Variants in SNX7 observed in about 807,000 individuals in gnomAD.
SNX7 encodes the protein sorting nexin-7.
Under a neutral mutation model 48.4 loss-of-function variants are expected in SNX7, and 35 were observed. That is an observed-to-expected ratio of 0.72 (90% CI 0.55 to 0.96). SNX7 has a LOEUF of 0.96. SNX7 is among the 40% of genes least tolerant of loss of function. The pLI is 0.00. For missense variants in SNX7, 553 were observed against 548.9 expected (o/e 1.01, Z -0.07); for synonymous variants, 190 against 190.2 (o/e 1.00, Z 0.01).
At chr1:98,731,186 C>T (rs570207910) in intron 7 of SNX7, among the ~76,000 whole-genome samples, 3 of 149,632 alleles carry the variant, frequency 2.0e-5, no homozygotes, top group Non-Finnish European at 3.0e-5. Context: ...AAGAAAACTC[C>T]AAAGTATAGG....
chr1:98,745,559 A>G (rs1654270545), intron 8 of SNX7, among the ~76,000 whole-genome samples: 1 of 152,076 alleles, frequency 6.6e-6, no homozygotes, highest in Non-Finnish European at 1.5e-5. Flanking sequence ...ACTACATTAT[A>G]CACCCTAAAA....
chr1:98,679,844 T>C (rs1235529946), intron 1 of SNX7, among the ~76,000 whole-genome samples: 2 of 152,196 alleles, frequency 1.3e-5, no homozygotes, highest in Non-Finnish European at 2.9e-5. Context: ...TCTGCTTTCA[T>C]GGGCTGGCAT....
At chr1:98,663,025 A>C (rs946592190) in intron 1 of SNX7, among the ~76,000 whole-genome samples, 1 of 152,354 alleles carries the variant, frequency 6.6e-6, no homozygotes, top group East Asian at 1.9e-4. Flanking sequence ...GTTAAGTAGT[A>C]AAACAATGGA....
chr1:98,663,205 A>G (rs1033321059), intron 1 of SNX7, among the ~76,000 whole-genome samples: 2 of 135,398 alleles, frequency 1.5e-5, no homozygotes, highest in African/African-American at 5.6e-5. Flanking sequence ...TTGGGATGGG[A>G]TGTTGGAAAT....
At chr1:98,673,600 C>T (rs1331226513) in intron 1 of SNX7, among the ~76,000 whole-genome samples, 1 of 152,188 alleles carries the variant, frequency 6.6e-6, no homozygotes, top group African/African-American at 2.4e-5. Flanking sequence ...GTATCCCCAG[C>T]CCAGTGCCTG....
intron 7 of SNX7, among the ~76,000 whole-genome samples, chr1:98,720,167 A>G (rs1029398484): frequency 6.6e-6 from 1 of 151,710 alleles, no homozygotes; most frequent in Non-Finnish European, 1.5e-5. Flanking sequence ...GGACTTGTCT[A>G]CCCCCACTCT....
upstream of SNX7, chr1:98,661,682 G>A (rs1649220788): frequency 8.4e-7 from 1 of 1,193,714 alleles, no homozygotes; most frequent in Non-Finnish European, 1.0e-6. Flanking sequence ...ACGCTCGGGG[G>A]AGCCGGGCTG....
At chr1:98,692,126 C>T (rs1651175431) in intron 4 of SNX7, among the ~76,000 whole-genome samples, 1 of 152,036 alleles carries the variant, frequency 6.6e-6, no homozygotes, top group South Asian at 2.1e-4. Flanking sequence ...CTTTTAATTT[C>T]TCAGAAACTT....
In SNX7 at chr1:98,663,252, GGTTTTTTTTTTT is replaced by G. The variant is rs1433208569; in HGVS notation, c.180+1342_180+1353del. ...ATCAGAATCATCAGGGTTTCTTTCTGGTTTTTTTTTTTTTTTTTTTTTTTTTTTTTTTTTTTT... is the reference window on the plus strand; with the variant it reads ...ATCAGAATCATCAGGGTTTCTTTCTGTTTTTTTTTTTTTTTTTTTTTTTTT... On this transcript the variant is annotated intron_variant, in intron 1 of 8. Transcript: ENST00000306121. Among the ~76,000 whole-genome samples the G allele has an allele frequency of 7.0e-4, 58 of 83,156 alleles. 3 individuals are homozygous for G. The highest frequency in any genetic ancestry group is 2.8e-3 in the African/African-American group (52 of 18,290). The allele number at this position is 83,156 out of a possible 152,430, so 54.6% of individuals were successfully genotyped here.
At chr1:98,743,595 T>G (rs548568984) in intron 8 of SNX7, among the ~76,000 whole-genome samples, 20 of 152,172 alleles carry the variant, frequency 1.3e-4, no homozygotes, top group African/African-American at 4.8e-4. Flanking sequence ...GTCTAGTTAT[T>G]TATGGCTCAT....
chr1:98,684,471 G>T (rs1485314051), intron 1 of SNX7, among the ~76,000 whole-genome samples: 2 of 152,198 alleles, frequency 1.3e-5, no homozygotes, highest in African/African-American at 4.8e-5. Context: ...GGCAGACAGT[G>T]AAAGGGCAGG....
At chr1:98,692,643 C>T (rs768939951) in intron 4 of SNX7, among the ~76,000 whole-genome samples, 54 of 152,124 alleles carry the variant, frequency 3.5e-4, no homozygotes, top group Non-Finnish European at 4.7e-4. Context: ...TGATCAGCGT[C>T]ACATGGCATT....
At chr1:98,745,073 C>A (rs1014656119) in intron 8 of SNX7, among the ~76,000 whole-genome samples, 1 of 151,982 alleles carries the variant, frequency 6.6e-6, no homozygotes, top group Admixed American at 6.6e-5. Flanking sequence ...CTTGCTCAAC[C>A]CTTTGTCAAT....
At chr1:98,748,701 G>T (rs991991374) in intron 8 of SNX7, among the ~76,000 whole-genome samples, 2 of 149,150 alleles carry the variant, frequency 1.3e-5, no homozygotes, top group Admixed American at 1.3e-4. Context: ...AAGAAAGATG[G>T]GTCTTCTAAT....
intron 1 of SNX7, among the ~76,000 whole-genome samples, chr1:98,675,062 T>C (rs977644644): frequency 2.0e-5 from 3 of 152,206 alleles, no homozygotes; most frequent in African/African-American, 7.2e-5. Context: ...AATGGTCTTA[T>C]ATCCAAATAG....
At chr1:98,688,667 C>T (rs1188978164) in intron 2 of SNX7, among the ~76,000 whole-genome samples, 1 of 152,104 alleles carries the variant, frequency 6.6e-6, no homozygotes, top group Non-Finnish European at 1.5e-5. Context: ...GGGTAGAGAT[C>T]ACACAAGTTC....
At chr1:98,662,448 T>C (rs1357607139) in intron 1 of SNX7, 2 of 304,738 alleles carry the variant, frequency 6.6e-6, no homozygotes, top group African/African-American at 2.2e-5. Context: ...AACGGTTGTT[T>C]CTAACAGGAA....
At chr1:98,705,483 A>G (rs893721681) in intron 7 of SNX7, among the ~76,000 whole-genome samples, 3 of 152,192 alleles carry the variant, frequency 2.0e-5, no homozygotes, top group African/African-American at 7.2e-5. Flanking sequence ...TGTAATGCAA[A>G]TAAATTGCTT....
intron 8 of SNX7, among the ~76,000 whole-genome samples, chr1:98,759,668 T>G (rs941919879): frequency 6.6e-6 from 1 of 152,072 alleles, no homozygotes; most frequent in Non-Finnish European, 1.5e-5. Context: ...TTAATCAACT[T>G]TCTCAAACTC....
Sources: gnomAD v4.1 joint callset for allele counts (sites outside exome capture counted in the v4.1 genomes callset) on GRCh38, gnomAD v4.1.1 for gene constraint, MANE v1.5 for transcripts, NCBI Gene and HGNC (gene_info 2026-07-23, HGNC 2026-07-21) for gene names.